CYREN: variants seen among roughly 807,000 people sequenced by gnomAD.
CYREN encodes the protein cell cycle regulator of non-homologous end joining.
Under a neutral mutation model 9.7 loss-of-function variants are expected in CYREN, and 7 were observed. That is an observed-to-expected ratio of 0.72 (90% CI 0.41 to 1.36). The LOEUF is 1.36. CYREN is among the 40% of genes most tolerant of loss of function. The pLI is 0.01. For missense variants in CYREN, 215 were observed against 198.1 expected (o/e 1.09, Z -0.51); for synonymous variants, 76 against 77.9 (o/e 0.98, Z 0.13).
chr7:135,125,684 A>C (rs1238008808), intron 2 of CYREN, among the ~76,000 whole-genome samples: 1 of 152,218 alleles, frequency 6.6e-6, no homozygotes, highest in Non-Finnish European at 1.5e-5. Flanking sequence ...CATATCAAAA[A>C]ACGTATCCAC....
intron 2 of CYREN, 190 bp downstream of exon 2, chr7:135,168,596 G>A: frequency 1.3e-6 from 1 of 794,158 alleles, no homozygotes; most frequent in Non-Finnish European, 1.9e-6. Context: ...GTGGGTGCCT[G>A]TCCTCGAGGG....
At chr7:135,131,559 G>A (rs1828780100) in intron 2 of CYREN, among the ~76,000 whole-genome samples, 1 of 151,896 alleles carries the variant, frequency 6.6e-6, no homozygotes, top group African/African-American at 2.4e-5. Context: ...AAGCAGTACT[G>A]ATACAGAAAT....
intron 2 of CYREN, among the ~76,000 whole-genome samples, chr7:135,123,583 C>G (rs1388713883): frequency 6.6e-6 from 1 of 152,096 alleles, no homozygotes; most frequent in African/African-American, 2.4e-5. Context: ...CCCCAAGACA[C>G]ATAATCTTCA....
At chr7:135,100,529 T>C (rs1376283021) in intron 2 of CYREN, among the ~76,000 whole-genome samples, 1 of 152,214 alleles carries the variant, frequency 6.6e-6, no homozygotes, top group African/African-American at 2.4e-5. Context: ...GACCATGGTA[T>C]ATCCTCTCTT....
intron 2 of CYREN, among the ~76,000 whole-genome samples, chr7:135,159,076 T>G (rs1470259700): frequency 2.0e-5 from 3 of 152,238 alleles, no homozygotes; most frequent in South Asian, 2.1e-4. Context: ...CTCTTACTGT[T>G]TCCCCACATC....
At chr7:135,168,764 C>A (rs1372317964) in intron 2 of CYREN, 22 bp downstream of exon 2, 2 of 1,611,278 alleles carry the variant, frequency 1.2e-6, no homozygotes, top group Middle Eastern at 3.3e-4. Context: ...TCGCAGGAGT[C>A]TTCTGACCAG....
chr7:135,113,269 T>C (rs966157554), intron 2 of CYREN, among the ~76,000 whole-genome samples: 3 of 152,198 alleles, frequency 2.0e-5, no homozygotes, highest in African/African-American at 7.2e-5. Context: ...ACAAAAAAAC[T>C]TATTGTAGAA....
intron 2 of CYREN, chr7:135,168,302 G>GGC (rs1562932105): frequency 8.4e-5 from 1 of 11,936 alleles, no homozygotes; most frequent in African/African-American, 4.1e-4. Context: ...CCCCCCCCCC[G>GGC]CCCCCCCCCG....
At chr7:135,117,323 C>G (rs1160291347) in intron 2 of CYREN, among the ~76,000 whole-genome samples, 1 of 151,882 alleles carries the variant, frequency 6.6e-6, no homozygotes, top group Non-Finnish European at 1.5e-5. Flanking sequence ...ATTAATCCAC[C>G]TAGACCCTAT....
chr7:135,092,935 A>G (rs1400581537), exon 3 of CYREN: 1 of 152,086 alleles, frequency 6.6e-6, no homozygotes, highest in Non-Finnish European at 1.5e-5. Context: ...GCACATGGTC[A>G]TCTCAATAGA....
At position 135,166,601 on chromosome 7, in the gene CYREN, A is replaced by G. The variant is rs750836928; in HGVS notation, c.*10T>C. Reference sequence around the variant, plus strand: ...GCTCTCGGCAGACAGTTCAGTGCACAGTTTATGCCCTAGCTGAAAAAGATC... The same window carrying G: ...GCTCTCGGCAGACAGTTCAGTGCACGGTTTATGCCCTAGCTGAAAAAGATC... On this transcript the variant is annotated 3_prime_UTR_variant, in exon 4 of 4. Coordinates refer to ENST00000393114, the MANE Select transcript of CYREN (RefSeq NM_024033.4). 77 of 1,573,854 alleles carry G rather than the reference A, an allele frequency of 4.9e-5. No homozygotes were observed. The highest frequency in any genetic ancestry group is 6.6e-5 in the Non-Finnish European group (77 of 1,164,138).
intron 2 of CYREN, among the ~76,000 whole-genome samples, chr7:135,119,742 C>T (rs1240607915): frequency 2.0e-5 from 3 of 151,950 alleles, no homozygotes; most frequent in African/African-American, 7.2e-5. Context: ...CTGGGCGTGG[C>T]AGCGGGTGCC....
At chr7:135,113,634 C>T (rs1243779737) in intron 2 of CYREN, among the ~76,000 whole-genome samples, 1 of 152,184 alleles carries the variant, frequency 6.6e-6, no homozygotes, top group Non-Finnish European at 1.5e-5. Flanking sequence ...CAGGGTTCCA[C>T]CCACTTCCCA....
chr7:135,171,507 T>C (rs1473472174), upstream of CYREN, among the ~76,000 whole-genome samples: 4 of 144,944 alleles, frequency 2.8e-5, no homozygotes, highest in Non-Finnish European at 6.1e-5. Flanking sequence ...CCTGTTCTGT[T>C]TCTCCCTGAC....
Position 135,167,720 on chromosome 7 carries a change from G to C in CYREN, c.213+12C>G. On this transcript the variant is annotated intron_variant, in intron 3 of 3. Coordinates refer to ENST00000393114, the MANE Select transcript of CYREN (RefSeq NM_024033.4). ...GTTTCTGGTCATGAGTAAGAGGCTT[G>C]TCTGACTTTACCTCAATCAGGATTC... The C allele has an allele frequency of 1.2e-6, 2 of 1,613,890 alleles. No individual in the cohort carries two copies. Among genetic ancestry groups the C allele is most frequent in the East Asian group, 2.2e-5 (1 of 44,878 alleles).
intron 2 of CYREN, among the ~76,000 whole-genome samples, chr7:135,121,151 G>A (rs899433288): frequency 5.3e-5 from 8 of 152,176 alleles, no homozygotes; most frequent in East Asian, 3.9e-4. Context: ...GTTGCGGTGA[G>A]CCAAGATGGT....
intron 2 of CYREN, among the ~76,000 whole-genome samples, chr7:135,096,584 C>CATAGATAGATAGATAGATAG (rs71172496): frequency 0.017 from 1,463 of 88,584 alleles, 24 homozygotes; most frequent in East Asian, 0.033. Flanking sequence ...TAGATAGATA[C>CATAGATAGATAGATAGATAG]ATAGATAGAT....
At chr7:135,158,117 G>A (rs780857101) in intron 2 of CYREN, among the ~76,000 whole-genome samples, 3 of 152,286 alleles carry the variant, frequency 2.0e-5, no homozygotes, top group South Asian at 2.1e-4. Context: ...GCAAGAAGGT[G>A]GGGCACAGCC....
chr7:135,140,601 AGTAGCAGTG>A (rs2063172596), intron 2 of CYREN, among the ~76,000 whole-genome samples: 1 of 152,054 alleles, frequency 6.6e-6, no homozygotes, highest in African/African-American at 2.4e-5. Flanking sequence ...TACTATGTTG[AGTAGCAGTG>A]GTGCAAGTGG....
Sources: allele counts gnomAD v4.1 joint callset (sites outside exome capture counted in the v4.1 genomes callset), GRCh38; gene constraint gnomAD v4.1.1; transcripts MANE v1.5; gene names NCBI Gene and HGNC (gene_info 2026-07-23, HGNC 2026-07-21).